GALNT3: variants seen among roughly 807,000 people sequenced by gnomAD.
GALNT3 encodes the protein polypeptide N-acetylgalactosaminyltransferase 3.
In GALNT3, 51 loss-of-function variants were observed where a neutral mutation model predicts 69.8. The observed-to-expected ratio is 0.73, with a 90% CI of 0.58 to 0.92. The LOEUF (loss-of-function observed/expected upper bound fraction) is 0.92, where lower values mean the gene tolerates loss of function less well. Among genes scored for constraint, GALNT3 ranks in the 40% least tolerant of loss-of-function variants. The pLI is 0.00. For missense variants in GALNT3, 711 were observed against 760.0 expected (o/e 0.94, Z 0.76); for synonymous variants, 265 against 248.5 (o/e 1.07, Z -0.63).
At chr2:165,776,895 A>G (rs1226659793) in intron 1 of GALNT3, among the ~76,000 whole-genome samples, 1 of 152,192 alleles carries the variant, frequency 6.6e-6, no homozygotes, top group Non-Finnish European at 1.5e-5. Flanking sequence ...GTGACTATGA[A>G]TCACCTGGGG....
Position 165,749,731 on chromosome 2 carries a change from C to T in GALNT3, c.1779+11G>A. On this transcript the variant is annotated intron_variant, in intron 10 of 10. Coordinates refer to ENST00000392701, the MANE Select transcript of GALNT3 (RefSeq NM_004482.4). Reference sequence around the variant, plus strand: ...AATAGTTAAATAGATGAATTAATTGCACTGAGGTACCTTCTGGATCTCCCA... The same window carrying T: ...AATAGTTAAATAGATGAATTAATTGTACTGAGGTACCTTCTGGATCTCCCA... 6.2e-7 allele frequency: 1 copy of T among 1,611,978 alleles called. No homozygotes were observed. The highest frequency in any genetic ancestry group is 2.2e-5 in the East Asian group (1 of 44,868).
At chr2:165,754,191 G>C (rs1468848590) in intron 9 of GALNT3, among the ~76,000 whole-genome samples, 1 of 151,428 alleles carries the variant, frequency 6.6e-6, no homozygotes, top group Non-Finnish European at 1.5e-5. Flanking sequence ...CGTGGTTCAA[G>C]CAATTCTCCA....
chr2:165,781,702 T>C (rs551188837), intron 1 of GALNT3, among the ~76,000 whole-genome samples: 4 of 152,294 alleles, frequency 2.6e-5, no homozygotes, highest in Non-Finnish European at 5.9e-5. Flanking sequence ...AATTCTTATA[T>C]GCTCTACAAG....
In GALNT3 at chr2:165,772,584, C is replaced by CAAAA. The variant is rs375725339; in HGVS notation, c.-108-1780_-108-1777dup. Among the ~76,000 whole-genome samples, 504 of 66,688 alleles carry CAAAA rather than the reference C, an allele frequency of 7.6e-3. 12 individuals are homozygous for CAAAA. Among genetic ancestry groups the CAAAA allele is most frequent in the Middle Eastern group, 0.036 (2 of 56 alleles). The allele number at this position is 66,688 out of a possible 152,430, so 43.7% of individuals were successfully genotyped here. A position where few individuals can be genotyped will look rare whatever the true frequency, so the allele number is the denominator to read the frequency against. On this transcript the variant is annotated intron_variant, in intron 1 of 10. Coordinates refer to ENST00000392701, the MANE Select transcript of GALNT3 (RefSeq NM_004482.4). ...TGGGTAGCAGGACAAGACTCTGTCT[C>CAAAA]AAAAAAAAAAAAAAAAAAAAAAAAA...
chr2:165,770,613 A>G lies in GALNT3; in HGVS notation c.88T>C (p.Phe30Leu), dbSNP rs181288197. ...FWKLGAVIFF[F>L]IIVLVLMQRE... ...TGCATTAAAACCAAAACTATTATAA[A>G]GAAAAAAATTACTGCACCAAGCTTC... is the stretch of plus-strand genomic sequence containing the variant. The change falls in exon 2 of 11, where the codon TTT (phenylalanine) becomes CTT (leucine). Residue 30 changes from phenylalanine to leucine, a missense_variant. Transcript: ENST00000392701. The G allele has an allele frequency of 6.2e-7, 1 of 1,603,004 alleles. No homozygotes were observed. The highest frequency in any genetic ancestry group is 1.7e-5 in the Admixed American group (1 of 58,322).
Position 165,762,022 on chromosome 2 carries a change from T to C in GALNT3, c.721A>G (p.Lys241Glu), listed in dbSNP as rs768116867. The C allele has an allele frequency of 2.5e-6, 4 of 1,591,828 alleles. No individual in the cohort carries two copies. The highest frequency in any genetic ancestry group is 3.4e-6 in the Non-Finnish European group (4 of 1,160,056). The change falls in exon 4 of 11, where the codon AAA becomes GAA. Residue 241 changes from lysine to glutamate, a missense_variant. Transcript: ENST00000392701. Reference protein sequence around the residue: ...YLHDKLDEYVKQFSIVKIVRQ... With the variant: ...YLHDKLDEYVEQFSIVKIVRQ... ...ACTATTTTTACTATAGAAAATTGTTTTACATATTCATCTAGTTTATCATGT... is the reference window on the plus strand; with the variant it reads ...ACTATTTTTACTATAGAAAATTGTTCTACATATTCATCTAGTTTATCATGT...
chr2:165,789,053 G>A (rs1488633834), intron 1 of GALNT3, among the ~76,000 whole-genome samples: 1 of 152,214 alleles, frequency 6.6e-6, no homozygotes, highest in Non-Finnish European at 1.5e-5. Flanking sequence ...CAGTAGAAGT[G>A]AAAGAATTTA....
chr2:165,780,646 T>TTTTTTGTTG lies in GALNT3; in HGVS notation c.-108-9839_-108-9838insCAACAAAAA, dbSNP rs1553495825. On this transcript the variant is annotated intron_variant, in intron 1 of 10. Transcript: ENST00000392701. ...CTGCAAATCAGGTTTGAGGGGTTTTTTTGTTGTTGTTGTTGTTGTTGTTGT... is the reference window on the plus strand; with the variant it reads ...CTGCAAATCAGGTTTGAGGGGTTTTTTTTTTGTTGTTGTTGTTGTTGTTGTTGTTGTTGT... 1.9e-4 allele frequency among the ~76,000 whole-genome samples: 19 copies of TTTTTTGTTG among 101,766 alleles called. 1 individual carries two copies. Among genetic ancestry groups the TTTTTTGTTG allele is most frequent in the African/African-American group, 5.5e-4 (15 of 27,432 alleles). The allele number at this position is 101,766 out of a possible 152,430, so 66.8% of individuals were successfully genotyped here.
rs770800462 is a variant in GALNT3 at position 165,754,720 on chromosome 2, G to A, written c.1533C>T (p.Ser511=). ...LNPVISGYIK[S]VGQPLCLDVG... ...CATCCAGACATAGAGGCTGACCAAC[G>A]CTTTTAATCTAAAGGAAAATTTTCA... is the stretch of plus-strand genomic sequence containing the variant. Residue 511 remains serine (S), a synonymous_variant, in exon 9 of 11, where the codon AGC becomes AGT. Coordinates refer to ENST00000392701, the MANE Select transcript of GALNT3 (RefSeq NM_004482.4). 5.2e-5 allele frequency: 83 copies of A among 1,610,048 alleles called. No homozygotes were observed. Among genetic ancestry groups the A allele is most frequent in the Admixed American group, 8.3e-5 (5 of 59,938 alleles).
Position 165,754,970 on chromosome 2 carries a change from C to T in GALNT3, c.1486G>A (p.Val496Met). The stretch of plus-strand genomic sequence containing the variant: ...ACAGGATTAAGGTCTGGCACATACA[C>T]CTCTGGATAAATGTTGTTCAGATAC... ...TWYLNNIYPEVYVPDLNPVIS... is the reference protein window; with the variant it reads ...TWYLNNIYPEMYVPDLNPVIS... Residue 496 changes from valine (V) to methionine (M), a missense_variant, in exon 8 of 11, where the codon GTG becomes ATG. Val to Met is a conservative substitution (Grantham distance 21, BLOSUM62 1). Transcript: ENST00000392701. 1.9e-6 allele frequency: 3 copies of T among 1,613,204 alleles called. No homozygotes were observed. Among genetic ancestry groups the T allele is most frequent in the Non-Finnish European group, 1.7e-6 (2 of 1,179,430 alleles).
chr2:165,768,389 T>C (rs1405790395), intron 2 of GALNT3, among the ~76,000 whole-genome samples: 1 of 152,264 alleles, frequency 6.6e-6, no homozygotes, highest in Non-Finnish European at 1.5e-5. Context: ...TGATTTTTAA[T>C]GTAGATTACT....
intron 1 of GALNT3, among the ~76,000 whole-genome samples, chr2:165,782,307 AC>A (rs1281499948): frequency 1.3e-5 from 2 of 152,026 alleles, no homozygotes; most frequent in Non-Finnish European, 2.9e-5. Context: ...TCCCTGGGCC[AC>A]ATTAGAAGAA....
chr2:165,767,403 G>A (rs1688662787), intron 2 of GALNT3, among the ~76,000 whole-genome samples: 1 of 151,948 alleles, frequency 6.6e-6, no homozygotes, highest in Non-Finnish European at 1.5e-5. Flanking sequence ...ATTATAAAAT[G>A]GTTTTGAAGA....
chr2:165,777,363 A>T (rs187492963), intron 1 of GALNT3, among the ~76,000 whole-genome samples: 16 of 152,352 alleles, frequency 1.1e-4, no homozygotes, highest in African/African-American at 3.6e-4. Flanking sequence ...AATTATTATA[A>T]AACTCATTGG....
chr2:165,779,325 T>C (rs929097053), intron 1 of GALNT3, among the ~76,000 whole-genome samples: 7 of 152,114 alleles, frequency 4.6e-5, no homozygotes, highest in African/African-American at 1.7e-4. Flanking sequence ...GCTAATACAG[T>C]AAATTTGGAA....
intron 1 of GALNT3, among the ~76,000 whole-genome samples, chr2:165,773,797 T>TAAAA (rs80285814): frequency 1.3e-4 from 18 of 134,668 alleles, no homozygotes; most frequent in African/African-American, 4.8e-4. Flanking sequence ...GGAGGGGTGG[T>TAAAA]AAAAAAAAAA....
At chr2:165,756,157 G>A (rs932024574) in intron 7 of GALNT3, among the ~76,000 whole-genome samples, 8 of 152,108 alleles carry the variant, frequency 5.3e-5, no homozygotes, top group African/African-American at 1.4e-4. Flanking sequence ...TAACCAAATC[G>A]TTCTTCACCG....
intron 2 of GALNT3, among the ~76,000 whole-genome samples, chr2:165,768,957 G>C (rs543199525): frequency 6.6e-6 from 1 of 151,238 alleles, no homozygotes; most frequent in Non-Finnish European, 1.5e-5. Flanking sequence ...ACCCTGTCCG[G>C]CTAATTTTTG....
Position 165,762,011 on chromosome 2 carries a change from A to G in GALNT3, c.732T>C (p.Ser244=). 1.2e-6 allele frequency: 2 copies of G among 1,602,376 alleles called. No homozygotes were observed. The highest frequency in any genetic ancestry group is 1.7e-6 in the Non-Finnish European group (2 of 1,169,428). Reference sequence around the variant, plus strand: ...CTCTTTGTCTGACTATTTTTACTATAGAAAATTGTTTTACATATTCATCTA... The same window carrying G: ...CTCTTTGTCTGACTATTTTTACTATGGAAAATTGTTTTACATATTCATCTA... The part of the protein sequence containing the change: ...DKLDEYVKQF[S]IVKIVRQRER... The change falls in exon 4 of 11, where the codon TCT becomes TCC. Residue 244 remains serine, a synonymous_variant. Transcript: ENST00000392701.
Sources: allele counts gnomAD v4.1 joint callset (sites outside exome capture counted in the v4.1 genomes callset), GRCh38; gene constraint gnomAD v4.1.1; transcripts MANE v1.5; gene names NCBI Gene and HGNC (gene_info 2026-07-23, HGNC 2026-07-21).